The following C1QTNF3 variants were observed in gnomAD, a reference collection of about 807,000 sequenced individuals.
C1QTNF3 encodes complement C1q tumor necrosis factor-related protein 3.
Under a neutral mutation model 32.6 loss-of-function variants are expected in C1QTNF3, and 26 were observed. The observed-to-expected ratio is 0.80, with a 90% CI of 0.58 to 1.11. The LOEUF (loss-of-function observed/expected upper bound fraction) is 1.11, where lower values mean the gene tolerates loss of function less well. Ranked by LOEUF, C1QTNF3 falls within the 50% of genes least tolerant of loss-of-function variation. C1QTNF3 has a pLI of 0.00. For missense variants in C1QTNF3, 362 were observed against 398.2 expected, an observed-to-expected ratio of 0.91 and a Z score of 0.77; for synonymous variants, 155 against 146.0, an observed-to-expected ratio of 1.06 and a Z score of -0.44.
At chr5:34,239,756 T>C in the C1QTNF3 span, among the ~76,000 whole-genome samples, 1 of 152,044 alleles carries the variant, frequency 6.6e-6, no homozygotes, top group Non-Finnish European at 1.5e-5. Flanking sequence ...AGAAACTGTG[T>C]ACTTAAACTT....
chr5:34,058,062 T>C, the C1QTNF3 span, among the ~76,000 whole-genome samples: 1 of 152,242 alleles, frequency 6.6e-6, no homozygotes, highest in Non-Finnish European at 1.5e-5. Flanking sequence ...GGGCTCCATC[T>C]GCACAAGCAC....
the C1QTNF3 span, among the ~76,000 whole-genome samples, chr5:34,125,029 G>A: frequency 6.6e-6 from 1 of 152,190 alleles, no homozygotes; most frequent in Non-Finnish European, 1.5e-5. Flanking sequence ...AAGAGGTGAT[G>A]GAGAGAGGAA....
chr5:34,218,374 A>G, the C1QTNF3 span: 1 of 151,424 alleles, frequency 6.6e-6, no homozygotes, highest in Non-Finnish European at 1.5e-5. Flanking sequence ...AGGAAGCTTC[A>G]GGACTACACC....
the C1QTNF3 span, among the ~76,000 whole-genome samples, chr5:34,146,133 A>G: frequency 3.9e-5 from 6 of 152,212 alleles, no homozygotes; most frequent in Admixed American, 6.5e-5. Flanking sequence ...TATTCAACAT[A>G]TACTAGAAGT....
chr5:34,204,560 T>C, the C1QTNF3 span, among the ~76,000 whole-genome samples: 2 of 152,282 alleles, frequency 1.3e-5, no homozygotes, highest in South Asian at 4.1e-4. Context: ...GGACATAGAA[T>C]GTGGAATGAT....
chr5:34,092,688 C>T, the C1QTNF3 span, among the ~76,000 whole-genome samples: 1 of 151,756 alleles, frequency 6.6e-6, no homozygotes, highest in African/African-American at 2.4e-5. Context: ...GGTATGAAAG[C>T]AGGATTCCAG....
chr5:34,103,374 T>C, the C1QTNF3 span, among the ~76,000 whole-genome samples: 2 of 151,768 alleles, frequency 1.3e-5, no homozygotes, highest in Non-Finnish European at 2.9e-5. Context: ...CAATCACAGC[T>C]CACTGCAGCC....
intron 4 of C1QTNF3, among the ~76,000 whole-genome samples, chr5:34,028,093 C>T (rs1046604222): frequency 1.3e-5 from 2 of 152,178 alleles, no homozygotes; most frequent in African/African-American, 2.4e-5. Flanking sequence ...CTGCCTCAGC[C>T]TCCTGAGTAG....
At chr5:34,234,768 G>C in the C1QTNF3 span, among the ~76,000 whole-genome samples, 2 of 152,054 alleles carry the variant, frequency 1.3e-5, no homozygotes, top group Non-Finnish European at 2.9e-5. Context: ...TTTACTTTCT[G>C]AGGTAATTTA....
chr5:34,072,467 G>A, the C1QTNF3 span, among the ~76,000 whole-genome samples: 1 of 152,214 alleles, frequency 6.6e-6, no homozygotes, highest in Non-Finnish European at 1.5e-5. Flanking sequence ...CTCAGCAAAT[G>A]ATGGATCATT....
intron 1 of C1QTNF3, among the ~76,000 whole-genome samples, chr5:34,040,063 G>T (rs1386560676): frequency 6.6e-6 from 1 of 152,198 alleles, no homozygotes; most frequent in Non-Finnish European, 1.5e-5. Context: ...ATGGAGCAAT[G>T]CTTTTGCATT....
At chr5:34,043,937 T>C (rs1754935657), upstream of C1QTNF3, 1 of 152,216 alleles carries the variant, frequency 6.6e-6, no homozygotes, top group Non-Finnish European at 1.5e-5. Flanking sequence ...TGACATATTC[T>C]TGATTAAAAT....
the C1QTNF3 span, among the ~76,000 whole-genome samples, chr5:34,170,766 T>C: frequency 6.6e-6 from 1 of 152,194 alleles, no homozygotes; most frequent in African/African-American, 2.4e-5. Context: ...CAAGAATTGA[T>C]ACCAACTGCA....
At chr5:34,238,595 TAA>T in the C1QTNF3 span, among the ~76,000 whole-genome samples, 1 of 151,342 alleles carries the variant, frequency 6.6e-6, no homozygotes, top group East Asian at 1.9e-4. Flanking sequence ...AAAAAAGAAT[TAA>T]AAAAAGAAAA....
chr5:34,034,504 C>T (rs1473684189), intron 2 of C1QTNF3, among the ~76,000 whole-genome samples: 4 of 152,214 alleles, frequency 2.6e-5, no homozygotes, highest in Admixed American at 2.0e-4. Flanking sequence ...AATTTCTACA[C>T]CTCTTCTTTA....
At chr5:34,124,616 G>C in the C1QTNF3 span, 2 of 525,390 alleles carry the variant, frequency 3.8e-6, no homozygotes, top group South Asian at 5.4e-5. Flanking sequence ...CCACCCCCAT[G>C]ATCCAATCAC....
At chr5:34,147,144 A>AAAAT in the C1QTNF3 span, among the ~76,000 whole-genome samples, 1 of 151,908 alleles carries the variant, frequency 6.6e-6, no homozygotes, top group East Asian at 1.9e-4. Context: ...AAAGTAAAAA[A>AAAAT]AATAATAATA....
the C1QTNF3 span, among the ~76,000 whole-genome samples, chr5:34,178,290 G>A: frequency 6.6e-6 from 1 of 152,104 alleles, no homozygotes; most frequent in Non-Finnish European, 1.5e-5. Flanking sequence ...AAAGGAGAAA[G>A]AATTCAGAGC....
the C1QTNF3 span, among the ~76,000 whole-genome samples, chr5:34,140,303 G>A: frequency 3.3e-5 from 5 of 152,198 alleles, no homozygotes; most frequent in Admixed American, 3.3e-4. Context: ...AGCCAGCTGG[G>A]AAATCTTCTG....
Sources: gnomAD v4.1 joint callset for allele counts (sites outside exome capture counted in the v4.1 genomes callset) on GRCh38, gnomAD v4.1.1 for gene constraint, MANE v1.5 for transcripts, NCBI Gene and HGNC (gene_info 2026-07-23, HGNC 2026-07-21) for gene names.